The following ATP5MC2 variants were observed in gnomAD, a reference collection of about 807,000 sequenced individuals.
ATP5MC2 encodes the protein ATP synthase membrane subunit c locus 2.
A neutral mutation model predicts 13.5 loss-of-function variants in ATP5MC2; 11 were observed. The ratio of observed to expected loss-of-function variants is 0.81; its 90% CI spans 0.51 to 1.35. The LOEUF (loss-of-function observed/expected upper bound fraction) is 1.35, where lower values mean the gene tolerates loss of function less well. Ranked by LOEUF, ATP5MC2 falls within the 40% of genes most tolerant of loss-of-function variation. ATP5MC2 has a pLI of 0.00. For missense variants in ATP5MC2, 132 were observed against 175.0 expected, an observed-to-expected ratio of 0.75 and a Z score of 1.39; for synonymous variants, 64 against 69.7, an observed-to-expected ratio of 0.92 and a Z score of 0.41.
At chr12:53,670,339 ATC>A in intron 2 of ATP5MC2, 1 of 349,060 alleles carries the variant, frequency 2.9e-6, no homozygotes. Context: ...CAATAAATCC[ATC>A]ATACTTTGAA....
intron 4 of ATP5MC2, among the ~76,000 whole-genome samples, chr12:53,666,873 G>A (rs1316037222): frequency 2.0e-5 from 3 of 151,582 alleles, no homozygotes; most frequent in Admixed American, 6.6e-5. Context: ...TTGAACCCGG[G>A]AGGCAGAGAT....
rs183199247 is a variant in ATP5MC2, at chr12:53,672,025, C to T, written c.39+551G>A. ...AGGTGAACTGCTTGAACCCGGGAGG[C>T]GGAGGTTGTGGTGGATCGCGCCATT... On this transcript the variant is annotated intron_variant, in intron 2 of 4. Coordinates refer to ENST00000394349, the MANE Select transcript of ATP5MC2 (RefSeq NM_005176.7). Among the ~76,000 whole-genome samples, 380 of 133,262 alleles carry T rather than the reference C, an allele frequency of 2.9e-3. 1 individual carries two copies. The highest frequency in any genetic ancestry group is 0.011 in the African/African-American group (360 of 33,944). 87.4% of individuals were successfully genotyped at this position (133,262 alleles called of 152,430 possible). A position where few individuals can be genotyped will look rare whatever the true frequency, so the allele number is the denominator to read the frequency against.
intron 2 of ATP5MC2, among the ~76,000 whole-genome samples, chr12:53,670,600 G>A (rs1053675987): frequency 9.2e-5 from 14 of 151,836 alleles, no homozygotes; most frequent in African/African-American, 2.7e-4. Context: ...TTCCTAATTC[G>A]AAGTATGGTT....
In ATP5MC2 at chr12:53,676,074, C is replaced by G; in HGVS notation, c.-53G>C. ...TTACCTGCTCCCACTGCAGAGAAGA[C>G]AGAGAGGGGCGGAGCAGCGGGAAGA... On this transcript the variant is annotated 5_prime_UTR_variant, in exon 1 of 5. Transcript: ENST00000394349. 6.2e-7 allele frequency: 1 copy of G among 1,614,180 alleles called. No homozygotes were observed. Among genetic ancestry groups the G allele is most frequent in the Non-Finnish European group, 8.5e-7 (1 of 1,180,024 alleles).
At chr12:53,672,105 A>AT (rs1565627721) in intron 2 of ATP5MC2, among the ~76,000 whole-genome samples, 6 of 150,438 alleles carry the variant, frequency 4.0e-5, no homozygotes, top group Admixed American at 2.7e-4. Flanking sequence ...AAAAAAAAAA[A>AT]TTAACTGGCC....
At chr12:53,673,198 A>G (rs961758887) in intron 1 of ATP5MC2, 1 of 152,766 alleles carries the variant, frequency 6.5e-6, no homozygotes, top group Admixed American at 6.5e-5. Flanking sequence ...ACGCGCCTGT[A>G]ATCCCAGCTA....
chr12:53,677,271 G>C (rs927711374), upstream of ATP5MC2: 2 of 152,300 alleles, frequency 1.3e-5, no homozygotes, highest in Admixed American at 6.5e-5. Context: ...GATAAATCAC[G>C]GCAGCAGCTT....
intron 4 of ATP5MC2, among the ~76,000 whole-genome samples, chr12:53,667,746 C>T (rs1453101108): frequency 2.0e-5 from 3 of 151,768 alleles, no homozygotes; most frequent in African/African-American, 2.4e-5. Flanking sequence ...CCGCCCGCCT[C>T]GGCCTCCCAA....
upstream of ATP5MC2, chr12:53,676,130 C>G: frequency 6.2e-7 from 1 of 1,614,218 alleles, no homozygotes; most frequent in Non-Finnish European, 8.5e-7. Flanking sequence ...ATGCGTGACC[C>G]GGGCCAACGA....
intron 4 of ATP5MC2, among the ~76,000 whole-genome samples, chr12:53,667,828 T>C (rs1944962904): frequency 6.6e-6 from 1 of 151,868 alleles, no homozygotes; most frequent in African/African-American, 2.4e-5. Flanking sequence ...ATACAAAACC[T>C]GGCTATGGCC....
chr12:53,672,727 CT>C (rs1360584645), intron 1 of ATP5MC2, 82 bp from the exon 2 acceptor site: 2 of 1,293,442 alleles, frequency 1.5e-6, no homozygotes, highest in African/African-American at 3.0e-5. Context: ...CCCTAGAAAG[CT>C]TAACTGGCCC....
chr12:53,678,597 T>C (rs4020139), upstream of ATP5MC2, among the ~76,000 whole-genome samples: 11 of 152,298 alleles, frequency 7.2e-5, no homozygotes, highest in African/African-American at 2.4e-4. Context: ...ATCCTGGGAC[T>C]ATTACTACGA....
chr12:53,677,395 G>A (rs1945304831), upstream of ATP5MC2: 1 of 152,238 alleles, frequency 6.6e-6, no homozygotes, highest in Non-Finnish European at 1.5e-5. Flanking sequence ...GCCATTACAG[G>A]AATGTAATTT....
upstream of ATP5MC2, chr12:53,677,168 C>G (rs2120423673): frequency 6.5e-6 from 1 of 153,074 alleles, no homozygotes; most frequent in South Asian, 1.8e-4. Context: ...CCCTCCTTGG[C>G]CCCGTCCTTC....
chr12:53,676,079 A>G lies in ATP5MC2; in HGVS notation c.-58T>C. On this transcript the variant is annotated 5_prime_UTR_variant, in exon 1 of 5. Coordinates refer to ENST00000394349, the MANE Select transcript of ATP5MC2 (RefSeq NM_005176.7). Reference sequence around the variant, plus strand: ...TGCTCCCACTGCAGAGAAGACAGAGAGGGGCGGAGCAGCGGGAAGAGCGAA... The same window carrying G: ...TGCTCCCACTGCAGAGAAGACAGAGGGGGGCGGAGCAGCGGGAAGAGCGAA... 6.2e-7 allele frequency: 1 copy of G among 1,614,222 alleles called. No individual in the cohort carries two copies. Among genetic ancestry groups the G allele is most frequent in the East Asian group, 2.2e-5 (1 of 44,884 alleles).
At chr12:53,665,537 A>G in intron 4 of ATP5MC2, 109 bp from the exon 5 acceptor site, 1 of 933,536 alleles carries the variant, frequency 1.1e-6, no homozygotes, top group Non-Finnish European at 1.7e-6. Flanking sequence ...TATCTCACAT[A>G]ATAAAGAAGC....
At position 53,675,990 on chromosome 12, in the gene ATP5MC2, G is replaced by A; in HGVS notation, c.-32+63C>T. ...AAGGTAAGCGCCTCAAAGCATCCGC[G>A]CAAGGTGAGGTGTCCCGCGCGCGTG... On this transcript the variant is annotated intron_variant, in intron 1 of 4. Transcript: ENST00000394349. 5.1e-6 allele frequency: 8 copies of A among 1,583,878 alleles called. No individual in the cohort carries two copies. The South Asian group carries it at 8.0e-5, about 16-fold the overall frequency.
intron 2 of ATP5MC2, among the ~76,000 whole-genome samples, chr12:53,671,018 G>T (rs1475477711): frequency 6.6e-6 from 1 of 151,600 alleles, no homozygotes; most frequent in Non-Finnish European, 1.5e-5. Context: ...TTCTGTATGG[G>T]TAATGGTCAG....
At chr12:53,675,993 A>G in intron 1 of ATP5MC2, 60 bp downstream of exon 1, 2 of 1,588,056 alleles carry the variant, frequency 1.3e-6, no homozygotes, top group Non-Finnish European at 8.6e-7. Context: ...CATCCGCGCA[A>G]GGTGAGGTGT....
Sources: allele counts gnomAD v4.1 joint callset (sites outside exome capture counted in the v4.1 genomes callset), GRCh38; gene constraint gnomAD v4.1.1; transcripts MANE v1.5; gene names NCBI Gene and HGNC (gene_info 2026-07-23, HGNC 2026-07-21).